The following ITPR1 variants were observed in gnomAD, a reference collection of about 807,000 sequenced individuals.
ITPR1 encodes the protein inositol 1,4,5-trisphosphate-gated calcium channel ITPR1.
In ITPR1, 96 loss-of-function variants were observed where a neutral mutation model predicts 318.4. The observed-to-expected ratio is 0.30, with a 90% CI of 0.26 to 0.36. ITPR1 has a LOEUF of 0.36. ITPR1 is among the 10% of genes least tolerant of loss of function. ITPR1 has a pLI of 1.00. For synonymous variants in ITPR1, 1,312 were observed against 1,289.9 expected (o/e 1.02, Z -0.37); for missense variants, 2,440 against 3,460.2 (o/e 0.71, Z 7.40).
At position 4,800,467 on chromosome 3, in the gene ITPR1, T is replaced by C. The variant is rs1317514435; in HGVS notation, c.6974T>C (p.Met2325Thr). Residue 2325 changes from methionine (M) to threonine (T), a missense_variant, in exon 54 of 62, where the codon ATG becomes ACG. Met to Thr is a moderately conservative substitution (Grantham distance 81). This residue lies in a region of ITPR1 where 126 missense variants were observed against 150.8 expected (regional missense o/e 0.84). Coordinates refer to ENST00000649015, the MANE Select transcript of ITPR1 (RefSeq NM_001378452.1). ...PHWSGLLWTA[M>T]LISLAIVIAL... ...TGGTCGGGACTCCTGTGGACAGCCA[T>C]GCTCATCTCTCTGGCCATCGTCATT... 28 of 1,613,956 alleles carry C rather than the reference T, an allele frequency of 1.7e-5. No homozygotes were observed. Among genetic ancestry groups the C allele is most frequent in the Non-Finnish European group, 2.4e-5 (28 of 1,179,902 alleles).
chr3:4,824,776 GC>G (rs1422940797), intron 60 of ITPR1, among the ~76,000 whole-genome samples: 1 of 152,166 alleles, frequency 6.6e-6, no homozygotes, highest in Admixed American at 6.5e-5. Flanking sequence ...CCGAGCTGCT[GC>G]CGCCAGCAAC....
intron 4 of ITPR1, among the ~76,000 whole-genome samples, chr3:4,602,805 A>G (rs1164888860): frequency 1.3e-5 from 2 of 152,158 alleles, no homozygotes; most frequent in East Asian, 1.9e-4. Context: ...AATACCGAGA[A>G]TTCATAGAGA....
At chr3:4,751,682 TC>T (rs2044534874) in intron 44 of ITPR1, 1 of 152,214 alleles carries the variant, frequency 6.6e-6, no homozygotes, top group African/African-American at 2.4e-5. Context: ...GCATAAAATA[TC>T]CCCGGATTCC....
chr3:4,739,457 T>G (rs930933497), intron 44 of ITPR1, among the ~76,000 whole-genome samples: 3 of 152,066 alleles, frequency 2.0e-5, no homozygotes, highest in Non-Finnish European at 4.4e-5. Flanking sequence ...GTTCCAGAAA[T>G]GTATACAGTC....
At chr3:4,503,997 A>G (rs560371168) in intron 2 of ITPR1, among the ~76,000 whole-genome samples, 56 of 151,914 alleles carry the variant, frequency 3.7e-4, no homozygotes, top group Non-Finnish European at 6.0e-4. Context: ...GGCACTCATC[A>G]GCTGTGTGAC....
At chr3:4,593,939 C>T (rs138122807) in intron 4 of ITPR1, among the ~76,000 whole-genome samples, 1 of 152,264 alleles carries the variant, frequency 6.6e-6, no homozygotes, top group East Asian at 1.9e-4. Flanking sequence ...AACAGTGTTT[C>T]TGAAAGCCAT....
Position 4,819,575 on chromosome 3 carries a change from G to C in ITPR1, c.8028+1333G>C, listed in dbSNP as rs148787287. ...TTACTCTCAGAGGGGTTGTGCGAAT[G>C]ATGAGGAGAAATATTCCTAATCCTT... On this transcript the variant is annotated intron_variant, in intron 60 of 61. Coordinates refer to ENST00000649015, the MANE Select transcript of ITPR1 (RefSeq NM_001378452.1). Among the ~76,000 whole-genome samples, 88 of 152,326 alleles carry C rather than the reference G, an allele frequency of 5.8e-4. No individual in the cohort carries two copies. The East Asian group carries it at 0.014, about 24-fold the overall frequency.
At chr3:4,591,430 T>A (rs1241298331) in intron 4 of ITPR1, among the ~76,000 whole-genome samples, 1 of 152,260 alleles carries the variant, frequency 6.6e-6, no homozygotes, top group Non-Finnish European at 1.5e-5. Flanking sequence ...CTGACTGGTG[T>A]GAGATGGTAT....
intron 54 of ITPR1, among the ~76,000 whole-genome samples, chr3:4,804,818 G>A (rs1044619940): frequency 6.6e-6 from 1 of 152,212 alleles, no homozygotes; most frequent in Non-Finnish European, 1.5e-5. Flanking sequence ...ATCTGTGGGT[G>A]TCGGCTTCCT....
intron 4 of ITPR1, among the ~76,000 whole-genome samples, chr3:4,585,678 C>A (rs566409157): frequency 6.6e-6 from 1 of 152,238 alleles, no homozygotes; most frequent in East Asian, 1.9e-4. Flanking sequence ...CTCAAGTGAT[C>A]TACCTGCCTC....
In ITPR1 at chr3:4,681,202, A is replaced by G. The variant is rs556160637; in HGVS notation, c.3107-162A>G. Among the ~76,000 whole-genome samples the G allele has an allele frequency of 3.9e-5, 6 of 152,126 alleles. No individual in the cohort carries two copies. The South Asian group carries it at 1.2e-3, about 32-fold the overall frequency. ...GGGCAGGAATGTGGAATATGTGGTT[A>G]ATGTCATCTGGGTTAGTCACTCTGC... is the stretch of plus-strand genomic sequence containing the variant. On this transcript the variant is annotated intron_variant, in intron 25 of 61. Transcript: ENST00000649015.
At chr3:4,654,490 G>A (rs1050720713) in intron 12 of ITPR1, among the ~76,000 whole-genome samples, 1 of 152,218 alleles carries the variant, frequency 6.6e-6, no homozygotes, top group African/African-American at 2.4e-5. Flanking sequence ...AGACACTTTG[G>A]ACTTCAGGTG....
rs112026814 is a variant in ITPR1, at chr3:4,766,243, A to G, written c.5545-287A>G. ...TGCGTGTGTGCAAGGGTGGAAGGGAATTGTTCTTAGTTGGCAACAGTCTGC... is the reference window on the plus strand; with the variant it reads ...TGCGTGTGTGCAAGGGTGGAAGGGAGTTGTTCTTAGTTGGCAACAGTCTGC... On this transcript the variant is annotated intron_variant, in intron 44 of 61. Transcript: ENST00000649015. Among the ~76,000 whole-genome samples the G allele has an allele frequency of 0.023, 3,429 of 152,202 alleles. 52 individuals are homozygous for G. Among genetic ancestry groups the G allele is most frequent in the South Asian group, 0.063 (302 of 4,822 alleles).
chr3:4,683,833 T>C lies in ITPR1; in HGVS notation c.3498+35T>C, dbSNP rs1347914502. 3.8e-6 allele frequency: 6 copies of C among 1,591,610 alleles called. No homozygotes were observed. In the East Asian group the frequency reaches 1.3e-4, roughly 36 times the overall value. The stretch of plus-strand genomic sequence containing the variant: ...ACACAAGTTATGCTGCCAAAGTGGA[T>C]GGATGGGCTTCTCGAAACTAGGGAG... On this transcript the variant is annotated intron_variant, in intron 28 of 61. Coordinates refer to ENST00000649015, the MANE Select transcript of ITPR1 (RefSeq NM_001378452.1).
At chr3:4,518,597 G>A (rs766744015) in intron 3 of ITPR1, among the ~76,000 whole-genome samples, 2 of 152,048 alleles carry the variant, frequency 1.3e-5, no homozygotes, top group Non-Finnish European at 2.9e-5. Flanking sequence ...AGTGCCAGTC[G>A]TTATGGGACT....
rs763341439 is a variant in ITPR1, at chr3:4,706,136, T to A, written c.4658-31T>A. The A allele has an allele frequency of 5.6e-6, 9 of 1,613,168 alleles. No individual in the cohort carries two copies. In the African/African-American group the frequency reaches 8.0e-5, roughly 14 times the overall value. On this transcript the variant is annotated intron_variant, in intron 36 of 61. Coordinates refer to ENST00000649015, the MANE Select transcript of ITPR1 (RefSeq NM_001378452.1). ...TGTAGGGTGTCCCCCATAAAAGTTG[T>A]AGGCTCACGACTCATCTTTCTCCTG...
At chr3:4,724,425 T>C (rs1401347311) in intron 40 of ITPR1, 2 of 152,318 alleles carry the variant, frequency 1.3e-5, no homozygotes, top group East Asian at 1.9e-4. Context: ...ACTCATCTCA[T>C]GCTTTCAACA....
intron 4 of ITPR1, among the ~76,000 whole-genome samples, chr3:4,622,247 T>G (rs201771270): frequency 1.3e-5 from 2 of 151,448 alleles, no homozygotes; most frequent in African/African-American, 2.4e-5. Context: ...CCTGAGTAGC[T>G]GGGACTACAG....
intron 4 of ITPR1, among the ~76,000 whole-genome samples, chr3:4,609,959 C>T (rs1575706226): frequency 6.6e-6 from 1 of 152,210 alleles, no homozygotes; most frequent in African/African-American, 2.4e-5. Context: ...TAAGGGATGC[C>T]CGGCCCAGAT....
Sources: gnomAD v4.1 joint callset for allele counts (sites outside exome capture counted in the v4.1 genomes callset) on GRCh38, gnomAD v4.1.1 for gene constraint, gnomAD v4.1.1 regional missense constraint, MANE v1.5 for transcripts, NCBI Gene and HGNC (gene_info 2026-07-23, HGNC 2026-07-21) for gene names.